Variants in LINGO2 observed in about 807,000 individuals in gnomAD.
LINGO2 encodes the protein leucine-rich repeat and immunoglobulin-like domain-containing nogo receptor-interacting protein 2.
LINGO2 carries 14 observed loss-of-function variants against 30.6 expected under a neutral mutation model. The ratio of observed to expected loss-of-function variants is 0.46; its 90% CI spans 0.30 to 0.72. The LOEUF (loss-of-function observed/expected upper bound fraction) is 0.72. Among genes scored for constraint, LINGO2 ranks in the 30% least tolerant of loss-of-function variants. The pLI is 0.07. For synonymous variants in LINGO2, 317 were observed against 288.5 expected, an observed-to-expected ratio of 1.10 and a Z score of -1.00; for missense variants, 729 against 751.7, an observed-to-expected ratio of 0.97 and a Z score of 0.35.
chr9:28,715,550 G>A, the LINGO2 span, among the ~76,000 whole-genome samples: 4 of 152,142 alleles, frequency 2.6e-5, no homozygotes, highest in Admixed American at 1.3e-4. Flanking sequence ...TTATTTGTAT[G>A]TGAGCTGAGA....
intron 4 of LINGO2, among the ~76,000 whole-genome samples, chr9:28,138,836 G>A (rs1006840331): frequency 2.0e-5 from 3 of 152,042 alleles, no homozygotes; most frequent in Non-Finnish European, 2.9e-5. Flanking sequence ...GTTCCACAAC[G>A]CAAGACCTTC....
chr9:28,243,195 C>T (rs773469294), intron 4 of LINGO2, among the ~76,000 whole-genome samples: 14 of 150,020 alleles, frequency 9.3e-5, no homozygotes, highest in South Asian at 2.2e-4. Flanking sequence ...TGGTAGCTCA[C>T]GCCTGTAATC....
At chr9:28,740,594 G>T in the LINGO2 span, among the ~76,000 whole-genome samples, 1 of 150,858 alleles carries the variant, frequency 6.6e-6, no homozygotes, top group Non-Finnish European at 1.5e-5. Context: ...TTTAATTTCT[G>T]TTTCTCTCTT....
At chr9:28,259,644 G>T (rs574290423) in intron 4 of LINGO2, among the ~76,000 whole-genome samples, 17 of 151,932 alleles carry the variant, frequency 1.1e-4, no homozygotes, top group Admixed American at 1.1e-3. Flanking sequence ...AACAGAGAAG[G>T]AGCATTTCCT....
the LINGO2 span, among the ~76,000 whole-genome samples, chr9:29,151,672 A>G: frequency 2.6e-5 from 4 of 152,152 alleles, no homozygotes; most frequent in South Asian, 2.1e-4. Context: ...CATTACCTAA[A>G]AAAGGTTCAA....
At chr9:28,825,181 G>T in the LINGO2 span, among the ~76,000 whole-genome samples, 2 of 151,846 alleles carry the variant, frequency 1.3e-5, no homozygotes, top group Non-Finnish European at 2.9e-5. Flanking sequence ...TTCTTTTCTC[G>T]CCAATGCCTC....
At chr9:28,044,929 G>T (rs1191282858) in intron 4 of LINGO2, among the ~76,000 whole-genome samples, 1 of 152,082 alleles carries the variant, frequency 6.6e-6, no homozygotes, top group Admixed American at 6.5e-5. Context: ...GAGCGATGGT[G>T]TAAAACTGAT....
chr9:28,533,368 T>A (rs1821308974), intron 1 of LINGO2, among the ~76,000 whole-genome samples: 1 of 152,152 alleles, frequency 6.6e-6, no homozygotes, highest in Non-Finnish European at 1.5e-5. Context: ...TTCTTCAGCT[T>A]GCAGATGGCC....
At chr9:28,031,353 GT>G (rs141386644) in intron 4 of LINGO2, among the ~76,000 whole-genome samples, 5,531 of 135,188 alleles carry the variant, frequency 0.041, 257 homozygotes, top group East Asian at 0.24. Flanking sequence ...AAACAGGATG[GT>G]TTTTTTTTTT....
intron 5 of LINGO2, among the ~76,000 whole-genome samples, chr9:27,986,224 A>C (rs898484710): frequency 2.0e-5 from 3 of 151,544 alleles, no homozygotes; most frequent in African/African-American, 4.8e-5. Context: ...CCCATGTTAC[A>C]TTTTCCAGTG....
intron 3 of LINGO2, among the ~76,000 whole-genome samples, chr9:28,341,894 C>A (rs10968522): frequency 0.15 from 22,066 of 152,134 alleles, 1,765 homozygotes; most frequent in Middle Eastern, 0.25. Flanking sequence ...TTTTCACTAA[C>A]TTCAGATTCT....
the LINGO2 span, among the ~76,000 whole-genome samples, chr9:28,988,844 T>C: frequency 6.6e-6 from 1 of 152,178 alleles, no homozygotes; most frequent in Non-Finnish European, 1.5e-5. Context: ...TTTTCTATTT[T>C]TGTTTTCATT....
chr9:28,769,494 ATATATATATATATATATATATATATTTTT>A, the LINGO2 span, among the ~76,000 whole-genome samples: 3 of 16,272 alleles, frequency 1.8e-4, no homozygotes, highest in Non-Finnish European at 2.9e-4. Context: ...ATATATATAT[ATATATATATATATATATATATATATTTTT>A]TTTTTTTTTT....
chr9:28,462,293 T>C (rs1825112990), intron 2 of LINGO2, among the ~76,000 whole-genome samples: 1 of 151,784 alleles, frequency 6.6e-6, no homozygotes, highest in Admixed American at 6.6e-5. Context: ...TACAGAATTA[T>C]GGCAGATAAT....
intron 4 of LINGO2, among the ~76,000 whole-genome samples, chr9:28,168,607 T>C (rs907100339): frequency 6.6e-6 from 1 of 152,230 alleles, no homozygotes; most frequent in African/African-American, 2.4e-5. Context: ...TGGCTATAAA[T>C]TAGTTTTCAA....
the LINGO2 span, among the ~76,000 whole-genome samples, chr9:28,721,650 G>T: frequency 6.6e-6 from 1 of 151,962 alleles, no homozygotes; most frequent in South Asian, 2.1e-4. Flanking sequence ...CACACACTGG[G>T]GTCTGTTGGG....
rs906620075 is a variant in LINGO2, at chr9:28,059,122, G to A, written c.-86-46717C>T. Among the ~76,000 whole-genome samples, 33 of 152,060 alleles carry A rather than the reference G, an allele frequency of 2.2e-4. 2 individuals are homozygous for A. Among genetic ancestry groups the A allele is most frequent in the Admixed American group, 4.6e-4 (7 of 15,258 alleles). ...AGGCAGGGCTTGCATAATGTCCTCT[G>A]GAATGTGTCTAGACTTTCTGGCTCC... On this transcript the variant is annotated intron_variant, in intron 4 of 5. Transcript: ENST00000379992.
chr9:28,883,666 A>G, the LINGO2 span, among the ~76,000 whole-genome samples: 33 of 126,446 alleles, frequency 2.6e-4, no homozygotes, highest in Non-Finnish European at 5.2e-4. Flanking sequence ...ATATATATAT[A>G]TATTTGGTTT....
chr9:29,138,624 G>C, the LINGO2 span, among the ~76,000 whole-genome samples: 1 of 146,778 alleles, frequency 6.8e-6, no homozygotes, highest in African/African-American at 2.5e-5. Context: ...GTAGCCATCA[G>C]TCATTTGTAT....
Sources: gnomAD v4.1 joint callset for allele counts (sites outside exome capture counted in the v4.1 genomes callset) on GRCh38, gnomAD v4.1.1 for gene constraint, MANE v1.5 for transcripts, NCBI Gene and HGNC (gene_info 2026-07-23, HGNC 2026-07-21) for gene names.